Variants in NRXN3 observed in about 807,000 individuals in gnomAD.
The protein encoded by NRXN3 is neurexin 3, also known as neurexin III.
In NRXN3, 32 loss-of-function variants were observed where a neutral mutation model predicts 137.6. That is an observed-to-expected ratio of 0.23 (90% CI 0.18 to 0.31). NRXN3 has a LOEUF of 0.31. Ranked by LOEUF, NRXN3 falls within the 10% of genes least tolerant of loss-of-function variation. The pLI is 1.00. For missense variants in NRXN3, 1,574 were observed against 2,062.5 expected (o/e 0.76, Z 4.59); for synonymous variants, 798 against 784.5 (o/e 1.02, Z -0.29).
chr14:78,526,271 G>A (rs909844246), intron 4 of NRXN3, among the ~76,000 whole-genome samples: 7 of 152,220 alleles, frequency 4.6e-5, no homozygotes, highest in Non-Finnish European at 1.0e-4. Context: ...CGTGCAGAAT[G>A]ACATCAAGTG....
chr14:79,620,843 G>C (rs2098216130), intron 16 of NRXN3, among the ~76,000 whole-genome samples: 6 of 152,164 alleles, frequency 3.9e-5, no homozygotes, highest in Admixed American at 3.9e-4. Context: ...TTGAAGTCTG[G>C]AGAATGGATG....
intron 8 of NRXN3, among the ~76,000 whole-genome samples, chr14:78,721,900 C>G (rs2098461792): frequency 6.6e-6 from 1 of 151,018 alleles, no homozygotes; most frequent in South Asian, 2.1e-4. Context: ...ACAAATGTAT[C>G]CCTGGTGACA....
chr14:78,738,691 T>C (rs2152922139), intron 8 of NRXN3, among the ~76,000 whole-genome samples: 1 of 152,300 alleles, frequency 6.6e-6, no homozygotes, highest in East Asian at 1.9e-4. Flanking sequence ...CCATTCTTTT[T>C]CCCCACTATG....
chr14:79,081,706 C>T (rs1299077154), intron 15 of NRXN3, among the ~76,000 whole-genome samples: 2 of 150,874 alleles, frequency 1.3e-5, no homozygotes, highest in African/African-American at 2.4e-5. Flanking sequence ...CTATACGGTA[C>T]AAAAATGCTC....
At chr14:79,004,272 T>A (rs970266309) in intron 15 of NRXN3, among the ~76,000 whole-genome samples, 9 of 152,204 alleles carry the variant, frequency 5.9e-5, no homozygotes, top group African/African-American at 2.2e-4. Flanking sequence ...TCTTTCTTTT[T>A]TTTTAGACTG....
chr14:78,916,236 T>C (rs2099255090), intron 10 of NRXN3, among the ~76,000 whole-genome samples: 1 of 152,180 alleles, frequency 6.6e-6, no homozygotes, highest in African/African-American at 2.4e-5. Flanking sequence ...CCCAAACATA[T>C]GGTCAACCTA....
At chr14:79,272,910 C>T (rs1271761886) in intron 15 of NRXN3, among the ~76,000 whole-genome samples, 6 of 152,122 alleles carry the variant, frequency 3.9e-5, no homozygotes, top group East Asian at 1.9e-4. Context: ...CGGTGGCTCA[C>T]GCCTGTAATC....
chr14:79,138,304 C>T (rs2058450662), intron 15 of NRXN3, among the ~76,000 whole-genome samples: 1 of 152,164 alleles, frequency 6.6e-6, no homozygotes, highest in Admixed American at 6.5e-5. Context: ...CAGGCATGTG[C>T]CACCATGCCT....
Position 78,874,422 on chromosome 14 carries a change from A to C in NRXN3, c.2275+64078A>C, listed in dbSNP as rs151318326. ...TATTTTAAGGGCTTCTGAGATGCTA[A>C]TCAGTCAGATTTGGGAACTATCAGG... On this transcript the variant is annotated intron_variant, in intron 10 of 20. Transcript: ENST00000335750. 3.7e-3 allele frequency among the ~76,000 whole-genome samples: 565 copies of C among 152,298 alleles called. 4 individuals carry two copies. The highest frequency in any genetic ancestry group is 0.013 in the African/African-American group (540 of 41,556).
At chr14:79,382,087 T>G (rs2094486505) in intron 15 of NRXN3, among the ~76,000 whole-genome samples, 1 of 152,206 alleles carries the variant, frequency 6.6e-6, no homozygotes, top group African/African-American at 2.4e-5. Context: ...AGTTTTCTCC[T>G]CTGCAAAATG....
intron 15 of NRXN3, among the ~76,000 whole-genome samples, chr14:79,138,779 T>C (rs986272800): frequency 1.1e-4 from 16 of 152,284 alleles, no homozygotes; most frequent in Middle Eastern, 6.8e-3. Context: ...ATCTGAAAAA[T>C]GAGCCAAAAT....
At chr14:79,207,359 A>G (rs2066932703) in intron 15 of NRXN3, among the ~76,000 whole-genome samples, 1 of 152,200 alleles carries the variant, frequency 6.6e-6, no homozygotes, top group Non-Finnish European at 1.5e-5. Context: ...ACTAGCTTCA[A>G]TTGTAGAGAA....
chr14:78,855,976 C>G (rs1344031500), intron 10 of NRXN3, among the ~76,000 whole-genome samples: 1 of 152,140 alleles, frequency 6.6e-6, no homozygotes, highest in Non-Finnish European at 1.5e-5. Context: ...CCTGGTCAAG[C>G]CACTTTACCA....
Position 78,915,345 on chromosome 14 carries a change from C to CAAAA in NRXN3, c.2276-41873_2276-41870dup, listed in dbSNP as rs35908076. Among the ~76,000 whole-genome samples the CAAAA allele has an allele frequency of 7.1e-3, 79 of 11,188 alleles. 21 individuals carry two copies. The highest frequency in any genetic ancestry group is 0.012 in the Non-Finnish European group (61 of 5,228). 7.3% of individuals were successfully genotyped at this position (11,188 alleles called of 152,430 possible). The stretch of plus-strand genomic sequence containing the variant: ...CCCAAACATCTTTCTACGTGTGAAG[C>CAAAA]AAAAAAAAAAAAAAAAAAAAAAAAA... On this transcript the variant is annotated intron_variant, in intron 10 of 20. Transcript: ENST00000335750.
chr14:78,393,868 G>A (rs1410767151), intron 4 of NRXN3, among the ~76,000 whole-genome samples: 1 of 151,930 alleles, frequency 6.6e-6, no homozygotes, highest in Non-Finnish European at 1.5e-5. Context: ...GCAATCATAA[G>A]TAGTATTTTT....
intron 16 of NRXN3, among the ~76,000 whole-genome samples, chr14:79,480,980 T>C (rs2096602579): frequency 6.6e-6 from 1 of 152,176 alleles, no homozygotes; most frequent in South Asian, 2.1e-4. Flanking sequence ...TCTCAGGTAT[T>C]TCTTTATATC....
At chr14:78,435,182 A>C (rs975339526) in intron 4 of NRXN3, among the ~76,000 whole-genome samples, 1 of 152,170 alleles carries the variant, frequency 6.6e-6, no homozygotes, top group African/African-American at 2.4e-5. Context: ...AATATCACAG[A>C]AATGCATTTC....
intron 15 of NRXN3, among the ~76,000 whole-genome samples, chr14:79,286,669 G>C (rs1332681785): frequency 6.6e-6 from 1 of 151,700 alleles, no homozygotes; most frequent in African/African-American, 2.4e-5. Flanking sequence ...AATGCGTGCT[G>C]ATGTTGATAA....
chr14:79,251,614 C>T (rs2075943580), intron 15 of NRXN3, among the ~76,000 whole-genome samples: 3 of 152,048 alleles, frequency 2.0e-5, no homozygotes, highest in Admixed American at 2.0e-4. Context: ...GGTTCCTCCA[C>T]TTAGAGGAAG....
Sources: gnomAD v4.1 joint callset for allele counts (sites outside exome capture counted in the v4.1 genomes callset) on GRCh38, gnomAD v4.1.1 for gene constraint, MANE v1.5 for transcripts, NCBI Gene and HGNC (gene_info 2026-07-23, HGNC 2026-07-21) for gene names.